The following CC2D2B variants were observed in gnomAD, a reference collection of about 807,000 sequenced individuals.
CC2D2B encodes coiled-coil and C2 domain containing 2B, also known as protein CC2D2B.
A neutral mutation model predicts 161.2 loss-of-function variants in CC2D2B; 128 were observed. The ratio of observed to expected loss-of-function variants is 0.79; its 90% CI spans 0.69 to 0.92. The LOEUF is 0.92. CC2D2B is among the 40% of genes least tolerant of loss of function. The probability of loss-of-function intolerance (pLI) is 0.00; values close to 1 mark genes in which losing one functional copy is unlikely to be tolerated. For synonymous variants in CC2D2B, 391 were observed against 449.8 expected (o/e 0.87, Z 1.65); for missense variants, 1,173 against 1,375.1 (o/e 0.85, Z 2.32).
intron 30 of CC2D2B, chr10:96,018,979 T>A (rs927457805): frequency 1.5e-4 from 55 of 355,376 alleles, no homozygotes; most frequent in African/African-American, 2.8e-4. Context: ...AAAAAAAAAA[T>A]TTTTTGTGAT....
At chr10:95,947,113 A>ATATATATATATATATATT (rs1289243570) in intron 9 of CC2D2B, among the ~76,000 whole-genome samples, 2 of 48,376 alleles carry the variant, frequency 4.1e-5, no homozygotes, top group South Asian at 8.0e-4. Flanking sequence ...ATATATATAT[A>ATATATATATATATATATT]TTTTTTTTTT....
At chr10:95,998,979 G>A (rs2078348669) in intron 24 of CC2D2B, among the ~76,000 whole-genome samples, 1 of 152,190 alleles carries the variant, frequency 6.6e-6, no homozygotes, top group Non-Finnish European at 1.5e-5. Context: ...TACTTGGGAG[G>A]CTGAGGCAGG....
At chr10:96,018,505 G>T (rs2079302697) in intron 30 of CC2D2B, among the ~76,000 whole-genome samples, 1 of 152,098 alleles carries the variant, frequency 6.6e-6, no homozygotes, top group African/African-American at 2.4e-5. Flanking sequence ...AGTCCATATA[G>T]CATCTTGTAT....
chr10:95,969,809 G>A (rs1224437417), intron 15 of CC2D2B, among the ~76,000 whole-genome samples: 1 of 151,648 alleles, frequency 6.6e-6, no homozygotes, highest in African/African-American at 2.4e-5. Context: ...AGTAAATTGT[G>A]ATATAATAAT....
chr10:96,012,378 C>A lies in CC2D2B; in HGVS notation c.3228+11C>A. ...CCAACACTAGATAAGGTAGGTTTTA[C>A]ATTGAATTTCTTTTATATATACCAT... On this transcript the variant is annotated intron_variant, in intron 27 of 34. Coordinates refer to ENST00000646931, the MANE Select transcript of CC2D2B (RefSeq NM_001349008.3). The A allele has an allele frequency of 1.5e-6, 1 of 678,446 alleles. No homozygotes were observed. 42.0% of individuals were successfully genotyped at this position (678,446 alleles called of 1,614,324 possible).
intron 29 of CC2D2B, 81 bp downstream of exon 29, chr10:96,013,958 A>G: frequency 1.7e-6 from 1 of 590,578 alleles, no homozygotes; most frequent in Non-Finnish European, 2.6e-6. Flanking sequence ...TTATGTATTT[A>G]TGTATTACTT....
Position 96,012,588 on chromosome 10 carries a change from G to A in CC2D2B, c.3285G>A (p.Lys1095=). 1 of 1,613,330 alleles carries A rather than the reference G, an allele frequency of 6.2e-7. No individual in the cohort carries two copies. ...QRAQIFKKNC[K]AMFPNRRIVT... ...CACAGATTTTTAAAAAGAATTGTAAGGCAATGTTTCCCAACCGAAGAATCG... is the reference window on the plus strand; with the variant it reads ...CACAGATTTTTAAAAAGAATTGTAAAGCAATGTTTCCCAACCGAAGAATCG... Residue 1095 remains lysine, a synonymous_variant, in exon 28 of 35, where the codon AAG becomes AAA. Transcript: ENST00000646931.
chr10:95,919,942 C>G (rs898501096), intron 2 of CC2D2B: 13 of 151,934 alleles, frequency 8.6e-5, no homozygotes, highest in African/African-American at 3.1e-4. Context: ...ATGGGCACCA[C>G]TGCACCAGGC....
chr10:95,910,343 C>T (rs757630676), intron 1 of CC2D2B, among the ~76,000 whole-genome samples: 65 of 152,172 alleles, frequency 4.3e-4, no homozygotes, highest in Non-Finnish European at 8.4e-4. Context: ...CACAGTTCTG[C>T]AGGCTATATA....
Position 95,982,063 on chromosome 10 carries a change from A to C in CC2D2B, c.2032A>C (p.Arg678=), listed in dbSNP as rs978871362. Residue 678 remains arginine, a synonymous_variant, in exon 18 of 35, where the codon AGA becomes CGA. Transcript: ENST00000646931. ...GCTTTTTGAATGGGCAAATGAAGTC[A>C]GAATTGATCCAAATAATCCAGAATA... The part of the protein sequence containing the change: ...QKLFEWANEV[R]IDPNNPEYSD... 3 of 1,231,320 alleles carry C rather than the reference A, an allele frequency of 2.4e-6. No individual in the cohort carries two copies. In the African/African-American group the frequency reaches 4.7e-5, roughly 19 times the overall value. The allele number at this position is 1,231,320 out of a possible 1,614,324, so 76.3% of individuals were successfully genotyped here.
chr10:95,973,146 G>A (rs2077194029), intron 16 of CC2D2B, among the ~76,000 whole-genome samples: 1 of 151,934 alleles, frequency 6.6e-6, no homozygotes, highest in Admixed American at 6.6e-5. Context: ...CAAGGAGGAG[G>A]GGGCGGGGGG....
intron 30 of CC2D2B, 91 bp from the exon 31 acceptor site, chr10:96,019,112 A>G: frequency 2.7e-6 from 3 of 1,131,422 alleles, no homozygotes; most frequent in South Asian, 3.3e-5. Flanking sequence ...CCACTAAAAA[A>G]GGCTTTAAAA....
intron 19 of CC2D2B, among the ~76,000 whole-genome samples, chr10:95,987,278 C>A (rs1204704911): frequency 3.3e-5 from 5 of 151,778 alleles, no homozygotes; most frequent in African/African-American, 4.8e-5. Flanking sequence ...GAACTGAGAT[C>A]GTGCCACTGT....
rs1406207555 is a variant in CC2D2B at position 96,004,698 on chromosome 10, A to G, written c.2946+450A>G. ...TACTGTCATCCTCATAGATGTGTAA[A>G]AGTTCCTAGCACAATGCCCAGCACC... On this transcript the variant is annotated intron_variant, in intron 25 of 34. Coordinates refer to ENST00000646931, the MANE Select transcript of CC2D2B (RefSeq NM_001349008.3). 1.8e-4 allele frequency among the ~76,000 whole-genome samples: 27 copies of G among 152,212 alleles called. 1 individual carries two copies. The highest frequency in any genetic ancestry group is 1.8e-3 in the Admixed American group (27 of 15,274).
chr10:96,019,970 C>A, intron 32 of CC2D2B, 146 bp downstream of exon 32: 2 of 654,176 alleles, frequency 3.1e-6, no homozygotes, highest in Non-Finnish European at 4.9e-6. Flanking sequence ...TTTTCTCTGC[C>A]ATCCAGCTCA....
Position 96,032,861 on chromosome 10 carries a change from C to A in CC2D2B, c.*853C>A, listed in dbSNP as rs901608328. On this transcript the variant is annotated 3_prime_UTR_variant, in exon 35 of 35. Coordinates refer to ENST00000646931, the MANE Select transcript of CC2D2B (RefSeq NM_001349008.3). ...TCTTTTTTTCCTTAGTGAGCAGCCCCCAACTCTGCCTCTGGCACTTTTTGC... is the reference window on the plus strand; with the variant it reads ...TCTTTTTTTCCTTAGTGAGCAGCCCACAACTCTGCCTCTGGCACTTTTTGC... 1 of 449,772 alleles carries A rather than the reference C, an allele frequency of 2.2e-6. No homozygotes were observed. Among genetic ancestry groups the A allele is most frequent in the African/African-American group, 2.0e-5 (1 of 48,834 alleles). The allele number at this position is 449,772 out of a possible 1,614,324, so 27.9% of individuals were successfully genotyped here. A position where few individuals can be genotyped will look rare whatever the true frequency, so the allele number is the denominator to read the frequency against.
At chr10:95,984,935 A>C (rs1375439925) in intron 19 of CC2D2B, among the ~76,000 whole-genome samples, 1 of 152,160 alleles carries the variant, frequency 6.6e-6, no homozygotes. Flanking sequence ...CTACTTTTCT[A>C]TATGTTTGAA....
intron 15 of CC2D2B, among the ~76,000 whole-genome samples, chr10:95,971,013 G>A (rs1188920838): frequency 2.0e-5 from 3 of 152,092 alleles, no homozygotes; most frequent in African/African-American, 7.2e-5. Context: ...TTTCCCCTCT[G>A]ATTTCCTTCT....
chr10:96,003,041 T>C (rs961727468), intron 24 of CC2D2B, among the ~76,000 whole-genome samples: 1 of 147,760 alleles, frequency 6.8e-6, no homozygotes, highest in East Asian at 1.9e-4. Flanking sequence ...TATATATATA[T>C]ATAGAAATAA....
Sources: gnomAD v4.1 joint callset for allele counts (sites outside exome capture counted in the v4.1 genomes callset) on GRCh38, gnomAD v4.1.1 for gene constraint, MANE v1.5 for transcripts, NCBI Gene and HGNC (gene_info 2026-07-23, HGNC 2026-07-21) for gene names.